The following GMDS variants were observed in gnomAD, a reference collection of about 807,000 sequenced individuals.
GMDS encodes GDP-mannose 4,6 dehydratase.
A neutral mutation model predicts 49.9 loss-of-function variants in GMDS; 20 were observed. The observed-to-expected ratio is 0.40, with a 90% confidence interval of 0.28 to 0.58. The LOEUF is 0.58. Among genes scored for constraint, GMDS ranks in the 20% least tolerant of loss-of-function variants. GMDS has a pLI of 0.42. For synonymous variants in GMDS, 177 were observed against 178.6 expected, an observed-to-expected ratio of 0.99 and a Z score of 0.07; for missense variants, 362 against 481.4, an observed-to-expected ratio of 0.75 and a Z score of 2.32.
intron 1 of GMDS, among the ~76,000 whole-genome samples, chr6:2,169,066 C>T (rs1777811166): frequency 6.6e-6 from 1 of 152,096 alleles, no homozygotes; most frequent in Admixed American, 6.6e-5. Context: ...TTTTAGACTC[C>T]ACAGTCATCT....
intron 4 of GMDS, among the ~76,000 whole-genome samples, chr6:2,036,694 A>T (rs1233825241): frequency 6.6e-6 from 1 of 152,238 alleles, no homozygotes; most frequent in Admixed American, 6.5e-5. Flanking sequence ...GAAAGTAAAT[A>T]TAGGATATAC....
intron 7 of GMDS, among the ~76,000 whole-genome samples, chr6:1,854,427 A>T (rs889044155): frequency 2.0e-5 from 3 of 152,212 alleles, no homozygotes; most frequent in Non-Finnish European, 4.4e-5. Flanking sequence ...TCTGTTAATC[A>T]TGTCCTCCAG....
chr6:2,051,348 G>A (rs1309570748), intron 4 of GMDS, among the ~76,000 whole-genome samples: 1 of 152,162 alleles, frequency 6.6e-6, no homozygotes, highest in Non-Finnish European at 1.5e-5. Context: ...AGAAAACATA[G>A]ATATGGCAGA....
intron 1 of GMDS, among the ~76,000 whole-genome samples, chr6:2,244,909 G>C (rs924132828): frequency 3.3e-5 from 5 of 152,148 alleles, no homozygotes; most frequent in African/African-American, 9.7e-5. Context: ...CGCCCCTTGA[G>C]CCGAGACACA....
In GMDS at chr6:1,778,960, AC is replaced by A. The variant is rs1427628987; in HGVS notation, c.772-36375del. Among the ~76,000 whole-genome samples the A allele has an allele frequency of 6.6e-6, 1 of 151,840 alleles. No homozygotes were observed. Among genetic ancestry groups the A allele is most frequent in the Non-Finnish European group, 1.5e-5 (1 of 67,962 alleles). Reference sequence around the variant, plus strand: ...GCCGTGTCTGGCCCTTCAAAGGCCTACCCCATCATCTCGCAGTGCTGGCGTG... The same window carrying A: ...GCCGTGTCTGGCCCTTCAAAGGCCTACCCATCATCTCGCAGTGCTGGCGTG... On this transcript the variant is annotated intron_variant, in intron 7 of 10. Coordinates refer to ENST00000380815, the MANE Select transcript of GMDS (RefSeq NM_001500.4). The surrounding 1 kb of genome is among the most constrained non-coding windows in gnomAD (Gnocchi z 4.6).
At chr6:1,716,754 C>A (rs1766190186) in intron 9 of GMDS, among the ~76,000 whole-genome samples, 1 of 152,178 alleles carries the variant, frequency 6.6e-6, no homozygotes. Context: ...CCTCCTGCCC[C>A]AATTGTGAAT....
chr6:2,084,575 T>G (rs1772900178), intron 4 of GMDS, among the ~76,000 whole-genome samples: 1 of 152,096 alleles, frequency 6.6e-6, no homozygotes, highest in African/African-American at 2.4e-5. Flanking sequence ...GGCGCGATCT[T>G]GACTCACTGC....
At chr6:1,830,878 A>T (rs924923378) in intron 7 of GMDS, among the ~76,000 whole-genome samples, 1 of 152,258 alleles carries the variant, frequency 6.6e-6, no homozygotes, top group Non-Finnish European at 1.5e-5. Context: ...CCTGTTTTGT[A>T]GACCGATATG....
At chr6:1,743,299 G>A (rs960938818) in intron 7 of GMDS, among the ~76,000 whole-genome samples, 5 of 152,048 alleles carry the variant, frequency 3.3e-5, no homozygotes, top group African/African-American at 7.2e-5. Flanking sequence ...CACGCCTGTC[G>A]TCCCAGCACT....
intron 9 of GMDS, among the ~76,000 whole-genome samples, chr6:1,658,144 T>G (rs1763950177): frequency 6.6e-6 from 1 of 152,248 alleles, no homozygotes; most frequent in Admixed American, 6.5e-5. Flanking sequence ...TTATTTGCCT[T>G]CAATTTGGGT....
intron 4 of GMDS, among the ~76,000 whole-genome samples, chr6:2,076,296 G>A (rs1772333225): frequency 6.6e-6 from 1 of 152,048 alleles, no homozygotes; most frequent in Non-Finnish European, 1.5e-5. Flanking sequence ...CATGCTCATG[G>A]GTAGGAAGAA....
In GMDS at chr6:2,022,062, T is replaced by C. The variant is rs191100702; in HGVS notation, c.346-61096A>G. Among the ~76,000 whole-genome samples the C allele has an allele frequency of 4.6e-5, 7 of 152,276 alleles. No individual in the cohort carries two copies. In the East Asian group the frequency reaches 5.8e-4, roughly 13 times the overall value. Reference sequence around the variant, plus strand: ...GCTTTTCATTGAAGCCTGAGTTTTATAGCCTGACAGGCTGCCTAAGCCTAA... The same window carrying C: ...GCTTTTCATTGAAGCCTGAGTTTTACAGCCTGACAGGCTGCCTAAGCCTAA... On this transcript the variant is annotated intron_variant, in intron 4 of 10. Coordinates refer to ENST00000380815, the MANE Select transcript of GMDS (RefSeq NM_001500.4).
rs150396542 is a variant in GMDS at position 2,069,112 on chromosome 6, G to A, written c.345+46659C>T. On this transcript the variant is annotated intron_variant, in intron 4 of 10. Coordinates refer to ENST00000380815, the MANE Select transcript of GMDS (RefSeq NM_001500.4). ...GAACAGAGCCCTCAGGAATAACGTC[G>A]CGTATCTAAAACTATCTGATCTTTG... Among the ~76,000 whole-genome samples the A allele has an allele frequency of 3.2e-3, 493 of 152,086 alleles. 2 individuals are homozygous for A. The highest frequency in any genetic ancestry group is 0.011 in the African/African-American group (446 of 41,488).
At chr6:1,834,588 T>G (rs1434739670) in intron 7 of GMDS, among the ~76,000 whole-genome samples, 1 of 152,202 alleles carries the variant, frequency 6.6e-6, no homozygotes, top group Non-Finnish European at 1.5e-5. Context: ...TTTAACATAC[T>G]TCTAAGTTAA....
At chr6:1,641,704 T>TTCTC (rs67714741) in intron 9 of GMDS, among the ~76,000 whole-genome samples, 4,040 of 147,920 alleles carry the variant, frequency 0.027, 67 homozygotes, top group African/African-American at 0.038. Context: ...CTCGGATGAT[T>TTCTC]TCTCTCTCTC....
intron 1 of GMDS, among the ~76,000 whole-genome samples, chr6:2,211,273 C>T (rs1285341416): frequency 6.6e-6 from 1 of 152,150 alleles, no homozygotes; most frequent in Admixed American, 6.6e-5. Flanking sequence ...GCATTACTAA[C>T]GCCCCTTACA....
chr6:1,964,480 G>T (rs1363753368), intron 4 of GMDS, among the ~76,000 whole-genome samples: 1 of 152,168 alleles, frequency 6.6e-6, no homozygotes. Context: ...AGAAGCTACA[G>T]CAAGTGGTGG....
chr6:2,021,367 G>A (rs943905963), intron 4 of GMDS, among the ~76,000 whole-genome samples: 84 of 152,224 alleles, frequency 5.5e-4, no homozygotes, highest in African/African-American at 1.9e-3. Context: ...AAACAGCAGA[G>A]ATCAACAGAT....
chr6:2,185,212 T>C (rs1778724954), intron 1 of GMDS, among the ~76,000 whole-genome samples: 1 of 152,206 alleles, frequency 6.6e-6, no homozygotes, highest in Non-Finnish European at 1.5e-5. Context: ...AAATGAAAGC[T>C]GGGATACAAT....
Sources: allele counts gnomAD v4.1 joint callset (sites outside exome capture counted in the v4.1 genomes callset), GRCh38; gene constraint gnomAD v4.1.1; non-coding constraint Gnocchi (gnomAD v3.1); transcripts MANE v1.5; gene names NCBI Gene and HGNC (gene_info 2026-07-23, HGNC 2026-07-21).